Variants in CLPTM1L observed in about 807,000 individuals in gnomAD.
CLPTM1L encodes the protein CLPTM1 like.
Under a neutral mutation model 70.9 loss-of-function variants are expected in CLPTM1L, and 38 were observed. That is an observed-to-expected ratio of 0.54 (90% CI 0.41 to 0.70). The LOEUF (loss-of-function observed/expected upper bound fraction) is 0.70. CLPTM1L is among the 30% of genes least tolerant of loss of function. The pLI is 0.00. For synonymous variants in CLPTM1L, 339 were observed against 299.9 expected (o/e 1.13, Z -1.35); for missense variants, 652 against 705.9 (o/e 0.92, Z 0.87).
intron 3 of CLPTM1L, 125 bp downstream of exon 3, chr5:1,341,546 G>A (rs147273507): frequency 1.8e-5 from 13 of 725,412 alleles, no homozygotes; most frequent in Middle Eastern, 2.6e-4. Flanking sequence ...ACATTCCAAT[G>A]GCTTTTGGCT....
rs369954976 is a variant in CLPTM1L, at chr5:1,323,825, C to A, written c.1242G>T (p.Gly414=). The A allele has an allele frequency of 6.2e-7, 1 of 1,613,920 alleles. No homozygotes were observed. Among genetic ancestry groups the A allele is most frequent in the South Asian group, 1.1e-5 (1 of 91,074 alleles). ...LSYLLYPLCV[G]GAVYSLLNIK... is the part of the protein sequence containing the mutation. ...TATTCAGGAGTGAATAGACAGCACCCCCGACACAGAGAGGGTACAGCAGGT... is the reference window on the plus strand; with the variant it reads ...TATTCAGGAGTGAATAGACAGCACCACCGACACAGAGAGGGTACAGCAGGT... The change falls in exon 12 of 17, where the codon GGG becomes GGT. Residue 414 remains glycine, a synonymous_variant. Transcript: ENST00000320895.
chr5:1,323,062 C>T, intron 12 of CLPTM1L, 151 bp from the exon 13 acceptor site: 1 of 786,156 alleles, frequency 1.3e-6, no homozygotes, highest in South Asian at 1.6e-5. Flanking sequence ...AGTGCTGAGC[C>T]TGGTTCTCAA....
chr5:1,333,282 G>C lies in CLPTM1L; in HGVS notation c.891+1007C>G, dbSNP rs1233154434. 1.5e-5 allele frequency among the ~76,000 whole-genome samples: 2 copies of C among 132,892 alleles called. 1 individual carries two copies. Among genetic ancestry groups the C allele is most frequent in the Admixed American group, 1.4e-4 (2 of 13,982 alleles). 87.2% of individuals were successfully genotyped at this position (132,892 alleles called of 152,430 possible). ...AGGGGGGACTACTGTATACACACCA[G>C]ATGAGGATAAGGGGAGACTACTGTA... On this transcript the variant is annotated intron_variant, in intron 7 of 16. Coordinates refer to ENST00000320895, the MANE Select transcript of CLPTM1L (RefSeq NM_030782.5).
In CLPTM1L at chr5:1,334,977, C is replaced by G. The variant is rs1159594111; in HGVS notation, c.796+80G>C. 43 of 1,040,814 alleles carry G rather than the reference C, an allele frequency of 4.1e-5. No individual in the cohort carries two copies. In the South Asian group the frequency reaches 5.8e-4, roughly 14 times the overall value. 64.5% of individuals were successfully genotyped at this position (1,040,814 alleles called of 1,614,324 possible). ...GCAGCAGGAGGCGAGGAGGCCCCGG[C>G]CTGTGTCAGGATTCGCACTTGGATG... is the stretch of plus-strand genomic sequence containing the variant. On this transcript the variant is annotated intron_variant, in intron 6 of 16. Coordinates refer to ENST00000320895, the MANE Select transcript of CLPTM1L (RefSeq NM_030782.5).
chr5:1,337,873 T>A, intron 5 of CLPTM1L, 31 bp downstream of exon 5: 1 of 1,549,768 alleles, frequency 6.5e-7, no homozygotes, highest in Non-Finnish European at 8.7e-7. Flanking sequence ...TCTCGCCAGC[T>A]GCACAACCAG....
At position 1,341,797 on chromosome 5, in the gene CLPTM1L, G is replaced by A; in HGVS notation, c.327C>T (p.Phe109=). ...RNNGTLYAYI[F]LHHAGVLPWH... ...ACGGCAGGACCCCAGCGTGATGGAG[G>A]AAGATGTAGGCATACAGCGTCCCAT... Residue 109 remains phenylalanine, a synonymous_variant, in exon 3 of 17, where the codon TTC becomes TTT. Coordinates refer to ENST00000320895, the MANE Select transcript of CLPTM1L (RefSeq NM_030782.5). The A allele has an allele frequency of 1.9e-6, 3 of 1,614,130 alleles. No homozygotes were observed. Among genetic ancestry groups the A allele is most frequent in the Non-Finnish European group, 2.5e-6 (3 of 1,180,016 alleles).
At position 1,344,704 on chromosome 5, in the gene CLPTM1L, G is replaced by A. The variant is rs1253071760; in HGVS notation, c.138C>T (p.Tyr46=). ...CSGDANCIQP[Y]LARRPKLQLS... is the part of the protein sequence containing the mutation. ...CCTGCAGCTTGGGCCGCCGCGCCAG[G>A]TAGGGCTGGATGCAGTTGGCGTCGC... is the stretch of plus-strand genomic sequence containing the variant. Residue 46 remains tyrosine, a synonymous_variant, in exon 1 of 17, where the codon TAC becomes TAT. Coordinates refer to ENST00000320895, the MANE Select transcript of CLPTM1L (RefSeq NM_030782.5). The A allele has an allele frequency of 8.9e-6, 14 of 1,578,404 alleles. No homozygotes were observed. Among genetic ancestry groups the A allele is most frequent in the Middle Eastern group, 1.7e-4 (1 of 6,016 alleles).
intron 13 of CLPTM1L, among the ~76,000 whole-genome samples, chr5:1,322,192 AGTGC>A (rs1752197465): frequency 6.6e-6 from 1 of 152,198 alleles, no homozygotes; most frequent in South Asian, 2.1e-4. Flanking sequence ...GGAGGACGGC[AGTGC>A]GGGACCCACC....
At chr5:1,324,248 G>C (rs912078560) in intron 11 of CLPTM1L, among the ~76,000 whole-genome samples, 1 of 152,212 alleles carries the variant, frequency 6.6e-6, no homozygotes, top group African/African-American at 2.4e-5. Flanking sequence ...GCTTTACAAC[G>C]CCATGCAAGT....
chr5:1,319,401 G>A (rs1056952599), intron 16 of CLPTM1L, among the ~76,000 whole-genome samples: 6 of 152,064 alleles, frequency 3.9e-5, no homozygotes, highest in Admixed American at 3.3e-4. Flanking sequence ...GCTGGGCAAG[G>A]GCGGCCATGA....
At chr5:1,333,329 G>C (rs1233673324) in intron 7 of CLPTM1L, among the ~76,000 whole-genome samples, 1 of 134,566 alleles carries the variant, frequency 7.4e-6, no homozygotes. Context: ...TGAGGATGAG[G>C]GACTATTGTA....
rs1160195364 is a variant in CLPTM1L at position 1,318,460 on chromosome 5, T to C, written c.1533-7A>G. On this transcript the variant is annotated splice_region_variant and splice_polypyrimidine_tract_variant and intron_variant, in intron 16 of 16. Transcript: ENST00000320895. This position sits in a 1 kb window ranked among gnomAD's most constrained non-coding sequence, Gnocchi z 8.9. Reference sequence around the variant, plus strand: ...TTTATCCACAGGATAAAGCCTGCAATGACACAAATGAGCACATCAGCAAAC... The same window carrying C: ...TTTATCCACAGGATAAAGCCTGCAACGACACAAATGAGCACATCAGCAAAC... 2 of 1,612,488 alleles carry C rather than the reference T, an allele frequency of 1.2e-6. No homozygotes were observed. The highest frequency in any genetic ancestry group is 1.7e-6 in the Non-Finnish European group (2 of 1,179,060).
chr5:1,329,846 G>GGCCTCAGGACTCTCTGCTTGGTGGACAGA (rs1561239142), intron 9 of CLPTM1L, among the ~76,000 whole-genome samples: 11 of 84,616 alleles, frequency 1.3e-4, no homozygotes, highest in Non-Finnish European at 2.1e-4. Context: ...TGGTGGACAG[G>GGCCTCAGGACTCTCTGCTTGGTGGACAGA]GCCTCAGGAC....
chr5:1,342,328 A>G lies in CLPTM1L; in HGVS notation c.264-468T>C, dbSNP rs944627528. ...CACACTACTGGAACCTCAGAAATTT[A>G]ATGTGGGTAGTTTTTTTGGGTGTTG... On this transcript the variant is annotated intron_variant, in intron 2 of 16. Transcript: ENST00000320895. This position sits in a 1 kb window ranked among gnomAD's most constrained non-coding sequence, Gnocchi z 4.3. Among the ~76,000 whole-genome samples the G allele has an allele frequency of 6.6e-6, 1 of 152,132 alleles. No individual in the cohort carries two copies. Among genetic ancestry groups the G allele is most frequent in the African/African-American group, 2.4e-5 (1 of 41,426 alleles).
rs369114546 is a variant in CLPTM1L at position 1,344,741 on chromosome 5, C to T, written c.101G>A (p.Arg34His). The T allele has an allele frequency of 2.0e-4, 323 of 1,601,440 alleles. 1 individual carries two copies. In the South Asian group the frequency reaches 2.3e-3, roughly 11 times the overall value. The change falls in exon 1 of 17, where the codon CGC (arginine) becomes CAC (histidine). Residue 34 changes from arginine to histidine, a missense_variant. Around this residue, in one of 3 missense-constraint regions of CLPTM1L, gnomAD observed 402 missense variants for 388.2 expected, o/e 1.04. Coordinates refer to ENST00000320895, the MANE Select transcript of CLPTM1L (RefSeq NM_030782.5). ...GCAGTTGGCGTCGCCGGAGCACGGG[C>T]GGGTGTAGACGATGCCGTACATGAC... ...CWVMYGIVYT[R>H]PCSGDANCIQ... is the part of the protein sequence containing the mutation.
At chr5:1,320,579 G>T in intron 16 of CLPTM1L, 37 bp downstream of exon 16, 1 of 1,204,384 alleles carries the variant, frequency 8.3e-7, no homozygotes, top group Non-Finnish European at 1.2e-6. Flanking sequence ...ACGCCGCTGA[G>T]ACGGAGCAAC....
intron 2 of CLPTM1L, among the ~76,000 whole-genome samples, chr5:1,344,124 ACT>A (rs1295189335): frequency 3.3e-5 from 5 of 152,130 alleles, no homozygotes; most frequent in Middle Eastern, 6.8e-3. Context: ...CTGCCATCAC[ACT>A]CTGCTGAGAA....
At chr5:1,333,067 G>A (rs1753228150) in intron 7 of CLPTM1L, among the ~76,000 whole-genome samples, 1 of 104,828 alleles carries the variant, frequency 9.5e-6, no homozygotes, top group African/African-American at 3.7e-5. Context: ...TGAGGATAAG[G>A]GGGGACTACT....
At chr5:1,338,146 C>G in intron 4 of CLPTM1L, 164 bp from the exon 5 acceptor site, 1 of 643,280 alleles carries the variant, frequency 1.6e-6, no homozygotes, top group South Asian at 1.8e-5. Flanking sequence ...CAAACGGAAG[C>G]AGAGAGCCTG....
Sources: allele counts gnomAD v4.1 joint callset (sites outside exome capture counted in the v4.1 genomes callset), GRCh38; gene constraint gnomAD v4.1.1; regional missense constraint gnomAD v4.1.1; non-coding constraint Gnocchi (gnomAD v3.1); transcripts MANE v1.5; gene names NCBI Gene and HGNC (gene_info 2026-07-23, HGNC 2026-07-21).